RYR2: variants seen among roughly 807,000 people sequenced by gnomAD.
RYR2 encodes the protein cardiac muscle ryanodine receptor-calcium release channel.
In RYR2, 227 loss-of-function variants were observed where a neutral mutation model predicts 601.1. That is an observed-to-expected ratio of 0.38 (90% CI 0.34 to 0.42). RYR2 has a LOEUF of 0.42. Among genes scored for constraint, RYR2 ranks in the 10% least tolerant of loss-of-function variants. The probability of loss-of-function intolerance (pLI) is 1.00; values close to 1 mark genes in which losing one functional copy is unlikely to be tolerated. For synonymous variants in RYR2, 2,223 were observed against 2,175.1 expected, an observed-to-expected ratio of 1.02 and a Z score of -0.61; for missense variants, 4,646 against 6,156.5, an observed-to-expected ratio of 0.75 and a Z score of 8.21.
chr1:237,165,103 G>C (rs1053202822), intron 1 of RYR2, among the ~76,000 whole-genome samples: 3 of 151,724 alleles, frequency 2.0e-5, no homozygotes, highest in Admixed American at 1.3e-4. Flanking sequence ...GACTATAGGC[G>C]CATGCACCAT....
chr1:237,283,508 GA>G (rs2149390225), intron 2 of RYR2, among the ~76,000 whole-genome samples: 1 of 152,270 alleles, frequency 6.6e-6, no homozygotes, highest in Non-Finnish European at 1.5e-5. Context: ...ATACAGTTTT[GA>G]AGGAAGTAGA....
chr1:237,798,389 ATATT>A (rs1026400402), intron 97 of RYR2, among the ~76,000 whole-genome samples: 1 of 143,926 alleles, frequency 6.9e-6, no homozygotes, highest in African/African-American at 2.5e-5. Context: ...GTACCTTTTA[ATATT>A]TATAAGAGAA....
intron 1 of RYR2, among the ~76,000 whole-genome samples, chr1:237,049,006 T>G (rs10925298): frequency 0.43 from 65,060 of 151,116 alleles, 14,534 homozygotes; most frequent in African/African-American, 0.54. Context: ...AGAGTAGGAG[T>G]GTTGGTGGGT....
chr1:237,380,524 C>T (rs1701416540), intron 8 of RYR2, among the ~76,000 whole-genome samples: 1 of 148,776 alleles, frequency 6.7e-6, no homozygotes, highest in South Asian at 2.1e-4. Flanking sequence ...AAGAACTTAA[C>T]TCATAGGGGT....
At chr1:237,294,732 G>A (rs1266947079) in intron 2 of RYR2, among the ~76,000 whole-genome samples, 2 of 152,108 alleles carry the variant, frequency 1.3e-5, no homozygotes, top group Non-Finnish European at 2.9e-5. Context: ...TGGAGTGTAT[G>A]GTGGTTTCAT....
intron 2 of RYR2, among the ~76,000 whole-genome samples, chr1:237,300,991 C>A (rs562313546): frequency 3.3e-5 from 5 of 151,900 alleles, no homozygotes; most frequent in Non-Finnish European, 7.4e-5. Flanking sequence ...TTTGTGAAAT[C>A]GAATTGATAA....
rs144456584 is a variant in RYR2 at position 237,738,411 on chromosome 1, C to T, written c.11092-3885C>T. Among the ~76,000 whole-genome samples, 24 of 152,184 alleles carry T rather than the reference C, an allele frequency of 1.6e-4. No individual in the cohort carries two copies. The East Asian group carries it at 2.5e-3, about 16-fold the overall frequency. ...GACAAGAAACAACCTAGAGAATTTA[C>T]GTGTTATCCTATGGGCTTCTCATTA... On this transcript the variant is annotated intron_variant, in intron 79 of 104. Transcript: ENST00000366574.
chr1:237,454,585 A>G lies in RYR2; in HGVS notation c.1476+11A>G. On this transcript the variant is annotated intron_variant, in intron 15 of 104. Transcript: ENST00000366574. Reference sequence around the variant, plus strand: ...CTCTTCCAGGAAGAGGTCCGTTTCTATCAACACTCATTTCTCTTCTGTTAT... The same window carrying G: ...CTCTTCCAGGAAGAGGTCCGTTTCTGTCAACACTCATTTCTCTTCTGTTAT... 1 of 1,611,010 alleles carries G rather than the reference A, an allele frequency of 6.2e-7. No individual in the cohort carries two copies.
chr1:237,423,080 T>TCCACCTAA lies in RYR2; in HGVS notation c.849-12_849-11insCCACCTAA. 1 of 1,609,466 alleles carries TCCACCTAA rather than the reference T, an allele frequency of 6.2e-7. No individual in the cohort carries two copies. Among genetic ancestry groups the TCCACCTAA allele is most frequent in the Non-Finnish European group, 8.5e-7 (1 of 1,178,630 alleles). On this transcript the variant is annotated splice_polypyrimidine_tract_variant and intron_variant, in intron 11 of 104. Coordinates refer to ENST00000366574, the MANE Select transcript of RYR2 (RefSeq NM_001035.3). ...GGGTGCTATTGGATCAAGTCCTAAC[T>TCCACCTAA]GTTTTCATTAGGTGGAGTGGAAGCC...
intron 1 of RYR2, among the ~76,000 whole-genome samples, chr1:237,107,890 A>G (rs920064752): frequency 1.3e-5 from 2 of 152,052 alleles, no homozygotes; most frequent in Non-Finnish European, 2.9e-5. Flanking sequence ...TGGGCTTCAC[A>G]TGCCCTCATC....
At chr1:237,395,157 T>C (rs1572127161) in intron 10 of RYR2, among the ~76,000 whole-genome samples, 1 of 152,142 alleles carries the variant, frequency 6.6e-6, no homozygotes, top group Non-Finnish European at 1.5e-5. Flanking sequence ...TCTTTTAAGA[T>C]CTCAACAACA....
At chr1:237,045,843 C>G (rs1660510234) in intron 1 of RYR2, among the ~76,000 whole-genome samples, 1 of 142,040 alleles carries the variant, frequency 7.0e-6, no homozygotes, top group Non-Finnish European at 1.5e-5. Context: ...TTAGGAAAAC[C>G]ATGGTATAAA....
chr1:237,118,512 A>G lies in RYR2; in HGVS notation c.48+75943A>G, dbSNP rs141697904. 5.9e-3 allele frequency among the ~76,000 whole-genome samples: 892 copies of G among 152,150 alleles called. 12 individuals are homozygous for G. The highest frequency in any genetic ancestry group is 0.021 in the African/African-American group (853 of 41,484). ...CTCAGTAGCTATTCAGAAATAGTCT[A>G]TAGTCAAGTGCACAGAGACAACGGT... On this transcript the variant is annotated intron_variant, in intron 1 of 104. Coordinates refer to ENST00000366574, the MANE Select transcript of RYR2 (RefSeq NM_001035.3).
rs780111656 is a variant in RYR2 at position 237,610,830 on chromosome 1, G to A, written c.4752G>A (p.Pro1584=). ...EHKNPVPQCP[P]RLHVQFLSHV... The stretch of plus-strand genomic sequence containing the variant: ...AGAACCCCGTGCCGCAGTGCCCCCC[G>A]CGCCTCCACGTGCAGTTCCTGTCAC... Residue 1584 remains proline (P), a synonymous_variant, in exon 36 of 105, where the codon CCG becomes CCA. Coordinates refer to ENST00000366574, the MANE Select transcript of RYR2 (RefSeq NM_001035.3). This position sits in a 1 kb window ranked among gnomAD's most constrained non-coding sequence, Gnocchi z 4.9. The A allele has an allele frequency of 1.4e-5, 22 of 1,612,420 alleles. No individual in the cohort carries two copies. Among genetic ancestry groups the A allele is most frequent in the South Asian group, 6.6e-5 (6 of 90,684 alleles).
intron 26 of RYR2, among the ~76,000 whole-genome samples, chr1:237,549,538 C>T (rs966180284): frequency 8.1e-5 from 12 of 148,874 alleles, no homozygotes; most frequent in African/African-American, 3.0e-4. Flanking sequence ...TTCAAAACAA[C>T]AACAAAAACA....
At chr1:237,550,860 A>C (rs749804620) in intron 27 of RYR2, among the ~76,000 whole-genome samples, 169 bp downstream of exon 27, 2 of 152,148 alleles carry the variant, frequency 1.3e-5, no homozygotes, top group African/African-American at 4.8e-5. Flanking sequence ...GATTAGACCC[A>C]TCTCTCAGTG....
At chr1:237,531,821 A>G (rs555519630) in intron 25 of RYR2, among the ~76,000 whole-genome samples, 6 of 152,200 alleles carry the variant, frequency 3.9e-5, no homozygotes, top group Non-Finnish European at 8.8e-5. Flanking sequence ...ACACTTTTTC[A>G]TCAACTTTGA....
chr1:237,642,219 T>A (rs1247993489), intron 47 of RYR2, among the ~76,000 whole-genome samples: 1 of 152,172 alleles, frequency 6.6e-6, no homozygotes, highest in African/African-American at 2.4e-5. Flanking sequence ...GTGGTTTAGG[T>A]TTTTCATACC....
At chr1:237,184,556 G>A (rs1478647923) in intron 1 of RYR2, among the ~76,000 whole-genome samples, 1 of 152,122 alleles carries the variant, frequency 6.6e-6, no homozygotes, top group Non-Finnish European at 1.5e-5. Context: ...GACTTGCAAG[G>A]TTTTGGCAGA....
Sources: gnomAD v4.1 joint callset for allele counts (sites outside exome capture counted in the v4.1 genomes callset) on GRCh38, gnomAD v4.1.1 for gene constraint, Gnocchi (gnomAD v3.1) non-coding constraint, MANE v1.5 for transcripts, NCBI Gene and HGNC (gene_info 2026-07-23, HGNC 2026-07-21) for gene names.